GPC5: variants seen among roughly 807,000 people sequenced by gnomAD.
GPC5 encodes the protein glypican 5.
Under a neutral mutation model 53.9 loss-of-function variants are expected in GPC5, and 47 were observed. The ratio of observed to expected loss-of-function variants is 0.87; its 90% confidence interval spans 0.69 to 1.11. The LOEUF (loss-of-function observed/expected upper bound fraction) is 1.11, where lower values mean the gene tolerates loss of function less well. Ranked by LOEUF, GPC5 falls within the 50% of genes most tolerant of loss-of-function variation. GPC5 has a pLI of 0.00. For missense variants in GPC5, 748 were observed against 713.1 expected (o/e 1.05, Z -0.56); for synonymous variants, 286 against 263.3 (o/e 1.09, Z -0.84).
At chr13:91,494,126 G>A (rs1186138714) in intron 2 of GPC5, among the ~76,000 whole-genome samples, 7 of 151,440 alleles carry the variant, frequency 4.6e-5, no homozygotes, top group Non-Finnish European at 8.8e-5. Flanking sequence ...TCTTGACCTC[G>A]TGATCCACCC....
chr13:92,658,854 G>A (rs1886225514), intron 7 of GPC5: 1 of 149,952 alleles, frequency 6.7e-6, no homozygotes, highest in East Asian at 2.0e-4. Context: ...TATAGGAGAT[G>A]TATGTTTTGC....
At chr13:91,908,135 T>G in intron 6 of GPC5, 78 bp downstream of exon 6, 1 of 1,158,902 alleles carries the variant, frequency 8.6e-7, no homozygotes, top group Non-Finnish European at 1.2e-6. Context: ...TTTGATAAAT[T>G]TGTTAATCCT....
intron 5 of GPC5, among the ~76,000 whole-genome samples, chr13:91,778,117 T>A (rs1444818545): frequency 1.3e-5 from 2 of 152,134 alleles, no homozygotes; most frequent in Non-Finnish European, 1.5e-5. Flanking sequence ...AAGTAAAATT[T>A]TCAGAGAGGA....
chr13:92,450,858 G>A (rs1193633310), intron 7 of GPC5, among the ~76,000 whole-genome samples: 2 of 150,534 alleles, frequency 1.3e-5, no homozygotes. Context: ...GGGTTTCATT[G>A]TTGTTGTTGT....
At chr13:91,743,622 G>C (rs563106967) in intron 4 of GPC5, among the ~76,000 whole-genome samples, 1 of 152,268 alleles carries the variant, frequency 6.6e-6, no homozygotes, top group Admixed American at 6.5e-5. Flanking sequence ...GCATGGAATG[G>C]AAATGCCAAA....
At chr13:92,465,968 G>A (rs531515613) in intron 7 of GPC5, among the ~76,000 whole-genome samples, 90 of 151,886 alleles carry the variant, frequency 5.9e-4, no homozygotes, top group Admixed American at 3.3e-4. Flanking sequence ...GGGAGGGGTG[G>A]GTGATGAAAG....
At chr13:92,045,207 G>A (rs1232293800) in intron 6 of GPC5, among the ~76,000 whole-genome samples, 2 of 152,084 alleles carry the variant, frequency 1.3e-5, no homozygotes, top group Non-Finnish European at 2.9e-5. Context: ...TTTGGTTTAC[G>A]GTACGGAAAA....
At chr13:92,287,709 G>C (rs2042966056) in intron 7 of GPC5, among the ~76,000 whole-genome samples, 1 of 151,966 alleles carries the variant, frequency 6.6e-6, no homozygotes, top group Non-Finnish European at 1.5e-5. Context: ...TTTTCTTTTT[G>C]TATTTGGCTT....
chr13:92,833,784 G>T lies in GPC5; in HGVS notation c.1562-32498G>T, dbSNP rs78001133. 8.6e-3 allele frequency among the ~76,000 whole-genome samples: 1,306 copies of T among 152,268 alleles called. 19 individuals are homozygous for T. The highest frequency in any genetic ancestry group is 0.03 in the African/African-American group (1,253 of 41,552). ...AAGGGTAAAAGATGAGAGAGGGAAG[G>T]TGATGATTGTTCCAAGCACAGGGAA... On this transcript the variant is annotated intron_variant, in intron 7 of 7. Transcript: ENST00000377067.
At chr13:91,681,782 G>A (rs1033612857) in intron 2 of GPC5, among the ~76,000 whole-genome samples, 10 of 152,054 alleles carry the variant, frequency 6.6e-5, no homozygotes, top group Non-Finnish European at 1.2e-4. Flanking sequence ...TGACTTCAAT[G>A]CAACACATAG....
At chr13:92,004,490 A>ATAT (rs60785546) in intron 6 of GPC5, among the ~76,000 whole-genome samples, 2 of 126,234 alleles carry the variant, frequency 1.6e-5, no homozygotes, top group African/African-American at 3.5e-5. Context: ...ATATATATAT[A>ATAT]ATTACACTAT....
intron 7 of GPC5, among the ~76,000 whole-genome samples, chr13:92,289,627 C>A (rs1305637373): frequency 6.6e-6 from 1 of 151,746 alleles, no homozygotes; most frequent in African/African-American, 2.4e-5. Flanking sequence ...ATGTTAATTG[C>A]CTTTTATGGA....
intron 5 of GPC5, among the ~76,000 whole-genome samples, chr13:91,833,113 C>G (rs2138858511): frequency 6.6e-6 from 1 of 152,242 alleles, no homozygotes; most frequent in Non-Finnish European, 1.5e-5. Flanking sequence ...ATACTATAAA[C>G]ACCTCTACAC....
chr13:92,734,974 CAT>C (rs1888900422), intron 7 of GPC5, among the ~76,000 whole-genome samples: 3 of 151,820 alleles, frequency 2.0e-5, no homozygotes, highest in Non-Finnish European at 2.9e-5. Flanking sequence ...AATAACATAA[CAT>C]ATTTGAATAT....
intron 2 of GPC5, among the ~76,000 whole-genome samples, chr13:91,498,141 GC>G (rs1172277835): frequency 6.8e-6 from 1 of 147,506 alleles, no homozygotes; most frequent in Non-Finnish European, 1.5e-5. Context: ...TAACCCACCC[GC>G]CGCCACACAC....
intron 7 of GPC5, among the ~76,000 whole-genome samples, chr13:92,439,847 T>C (rs1283963728): frequency 1.3e-5 from 2 of 152,132 alleles, no homozygotes; most frequent in Non-Finnish European, 2.9e-5. Flanking sequence ...CCTCTCAGGA[T>C]TCAGTTAGGT....
chr13:92,053,714 T>C (rs1402463142), intron 6 of GPC5, among the ~76,000 whole-genome samples: 4 of 152,038 alleles, frequency 2.6e-5, no homozygotes, highest in African/African-American at 9.7e-5. Context: ...TTGATATGTG[T>C]TCATTGCCTT....
At chr13:91,586,061 G>T (rs1330030689) in intron 2 of GPC5, among the ~76,000 whole-genome samples, 1 of 134,796 alleles carries the variant, frequency 7.4e-6, no homozygotes, top group African/African-American at 2.8e-5. Context: ...TTTAAAAAAA[G>T]ATTTCTTGAT....
chr13:92,780,682 A>AT (rs11424512), intron 7 of GPC5, among the ~76,000 whole-genome samples: 25,240 of 151,620 alleles, frequency 0.17, 2,906 homozygotes, highest in East Asian at 0.4. Context: ...TGCAGAAAAC[A>AT]TTTTTTTTAG....
Sources: gnomAD v4.1 joint callset for allele counts (sites outside exome capture counted in the v4.1 genomes callset) on GRCh38, gnomAD v4.1.1 for gene constraint, MANE v1.5 for transcripts, NCBI Gene and HGNC (gene_info 2026-07-23, HGNC 2026-07-21) for gene names.